SNTG2: variants seen among roughly 807,000 people sequenced by gnomAD.
SNTG2 encodes syntrophin gamma 2.
SNTG2 carries 74 observed loss-of-function variants against 70.9 expected under a neutral mutation model. The ratio of observed to expected loss-of-function variants is 1.04; its 90% CI spans 0.86 to 1.27. The LOEUF (loss-of-function observed/expected upper bound fraction) is 1.27, where lower values mean the gene tolerates loss of function less well. SNTG2 is among the 50% of genes most tolerant of loss of function. The pLI is 0.00. For synonymous variants in SNTG2, 278 were observed against 273.8 expected, an observed-to-expected ratio of 1.02 and a Z score of -0.15; for missense variants, 717 against 690.7, an observed-to-expected ratio of 1.04 and a Z score of -0.43.
intron 16 of SNTG2, among the ~76,000 whole-genome samples, chr2:1,329,524 A>G (rs962241167): frequency 1.3e-5 from 2 of 152,154 alleles, no homozygotes; most frequent in Non-Finnish European, 1.5e-5. Context: ...CTGTCAGGTA[A>G]AATCTTCCAG....
At chr2:1,226,486 T>C (rs1391350776) in intron 9 of SNTG2, among the ~76,000 whole-genome samples, 1 of 151,974 alleles carries the variant, frequency 6.6e-6, no homozygotes, top group Admixed American at 6.6e-5. Context: ...CCCATCAGTA[T>C]GGAAAGACAC....
At chr2:1,073,182 CAATTTTGAAAGAAGTTGTACTGTGTGTAA>C (rs1216475403) in intron 1 of SNTG2, among the ~76,000 whole-genome samples, 1 of 152,182 alleles carries the variant, frequency 6.6e-6, no homozygotes, top group Non-Finnish European at 1.5e-5. Context: ...GGTTTGACCT[CAATTTTGAAAGAAGTTGTACTGTGTGTAA>C]AATTCTACCA....
chr2:1,039,994 GA>G (rs1468425660), intron 1 of SNTG2, among the ~76,000 whole-genome samples: 1 of 152,160 alleles, frequency 6.6e-6, no homozygotes, highest in Non-Finnish European at 1.5e-5. Flanking sequence ...GGCTTCAGTT[GA>G]AAGAGAAGGT....
rs1305282798 is a variant in SNTG2 at position 1,255,885 on chromosome 2, A to AATATATATATATAAATATATATAAAT, written c.1006-3476_1006-3475insTATAAATATATATAAATATATATATA. Among the ~76,000 whole-genome samples the AATATATATATATAAATATATATAAAT allele has an allele frequency of 1.7e-4, 15 of 90,480 alleles. 1 individual carries two copies. Among genetic ancestry groups the AATATATATATATAAATATATATAAAT allele is most frequent in the Middle Eastern group, 0.011 (2 of 186 alleles). 59.4% of individuals were successfully genotyped at this position (90,480 alleles called of 152,430 possible). A position where few individuals can be genotyped will look rare whatever the true frequency, so the allele number is the denominator to read the frequency against. On this transcript the variant is annotated intron_variant, in intron 12 of 16. Coordinates refer to ENST00000308624, the MANE Select transcript of SNTG2 (RefSeq NM_018968.4). ...ATAAATATATATAAATATATATATAAATATATATAAATATATATATAAATA... is the reference window on the plus strand; with the variant it reads ...ATAAATATATATAAATATATATATAAATATATATATATAAATATATATAAATATATATATAAATATATATATAAATA...
intron 8 of SNTG2, among the ~76,000 whole-genome samples, chr2:1,208,166 G>A (rs1673769917): frequency 6.6e-6 from 1 of 152,196 alleles, no homozygotes; most frequent in Non-Finnish European, 1.5e-5. Context: ...GGACACTGAA[G>A]CAAATTAAAA....
intron 2 of SNTG2, among the ~76,000 whole-genome samples, chr2:1,093,000 C>A (rs1414473734): frequency 6.6e-6 from 1 of 152,124 alleles, no homozygotes; most frequent in Non-Finnish European, 1.5e-5. Flanking sequence ...TGAACAATTA[C>A]CTTAGATTGC....
Position 1,113,582 on chromosome 2 carries a change from G to T in SNTG2, c.325+15172G>T, listed in dbSNP as rs191692583. On this transcript the variant is annotated intron_variant, in intron 4 of 16. Transcript: ENST00000308624. Reference sequence around the variant, plus strand: ...AGGAGGATCGTGTGTACTAAGTGAGGTTTAACCCTTACAGTACTTTGAGGA... The same window carrying T: ...AGGAGGATCGTGTGTACTAAGTGAGTTTTAACCCTTACAGTACTTTGAGGA... Among the ~76,000 whole-genome samples, 994 of 151,754 alleles carry T rather than the reference G, an allele frequency of 6.6e-3. 11 individuals are homozygous for T. The highest frequency in any genetic ancestry group is 0.023 in the African/African-American group (945 of 41,388).
At chr2:1,255,888 ATATAT>A (rs1678066829) in intron 12 of SNTG2, among the ~76,000 whole-genome samples, 1 of 64,886 alleles carries the variant, frequency 1.5e-5, no homozygotes, top group East Asian at 4.6e-4. Context: ...ATATATAAAT[ATATAT>A]AAATATATAT....
chr2:1,336,219 C>T (rs539036120), intron 16 of SNTG2, among the ~76,000 whole-genome samples: 1 of 152,160 alleles, frequency 6.6e-6, no homozygotes, highest in Non-Finnish European at 1.5e-5. Context: ...TGCTTAGTGA[C>T]ACTGAACATT....
At chr2:1,178,635 G>C (rs1200045223) in intron 8 of SNTG2, among the ~76,000 whole-genome samples, 1 of 152,180 alleles carries the variant, frequency 6.6e-6, no homozygotes, top group Non-Finnish European at 1.5e-5. Flanking sequence ...AACCAGGCTT[G>C]CATCCCAGGG....
chr2:1,169,418 T>C (rs899986716), intron 7 of SNTG2, among the ~76,000 whole-genome samples: 7 of 151,954 alleles, frequency 4.6e-5, no homozygotes, highest in Non-Finnish European at 8.8e-5. Flanking sequence ...CTGGGTGCCT[T>C]TGAAGGAGCA....
intron 8 of SNTG2, among the ~76,000 whole-genome samples, chr2:1,178,629 A>T (rs1188313593): frequency 6.6e-6 from 1 of 152,222 alleles, no homozygotes; most frequent in Non-Finnish European, 1.5e-5. Flanking sequence ...ATGTTGAACC[A>T]GGCTTGCATC....
chr2:1,067,896 G>T (rs1174199138), intron 1 of SNTG2, among the ~76,000 whole-genome samples: 1 of 152,170 alleles, frequency 6.6e-6, no homozygotes, highest in Non-Finnish European at 1.5e-5. Context: ...CCGGGAGGAA[G>T]TGCAGGCTTA....
At chr2:1,253,134 A>G (rs991212270) in intron 12 of SNTG2, among the ~76,000 whole-genome samples, 2 of 152,100 alleles carry the variant, frequency 1.3e-5, no homozygotes, top group African/African-American at 4.8e-5. Flanking sequence ...TCCCTGCCCC[A>G]GAGTTCTGTG....
chr2:1,112,419 G>C (rs1199424285), intron 4 of SNTG2, among the ~76,000 whole-genome samples: 2 of 151,540 alleles, frequency 1.3e-5, no homozygotes, highest in Non-Finnish European at 2.9e-5. Flanking sequence ...TACTAAGTGA[G>C]GTTTAACACT....
intron 6 of SNTG2, among the ~76,000 whole-genome samples, chr2:1,152,503 G>A (rs893828721): frequency 6.6e-6 from 1 of 152,128 alleles, no homozygotes; most frequent in Admixed American, 6.5e-5. Context: ...GCGTATATTC[G>A]GTGTGTGTGT....
chr2:1,359,663 CAAAAAT>C (rs1189825968), intron 16 of SNTG2, among the ~76,000 whole-genome samples: 2 of 152,070 alleles, frequency 1.3e-5, no homozygotes, highest in East Asian at 3.9e-4. Flanking sequence ...AGCTGAGACT[CAAAAAT>C]AATATTATTT....
At chr2:1,066,490 T>C (rs1663163647) in intron 1 of SNTG2, among the ~76,000 whole-genome samples, 1 of 152,016 alleles carries the variant, frequency 6.6e-6, no homozygotes, top group African/African-American at 2.4e-5. Context: ...TTGCCGGGAT[T>C]CAGAAAGCTG....
At chr2:1,035,450 G>T (rs2148044581) in intron 1 of SNTG2, among the ~76,000 whole-genome samples, 1 of 152,268 alleles carries the variant, frequency 6.6e-6, no homozygotes, top group East Asian at 1.9e-4. Flanking sequence ...TGAATCTTTT[G>T]TACCGCTACT....
Sources: gnomAD v4.1 joint callset for allele counts (sites outside exome capture counted in the v4.1 genomes callset) on GRCh38, gnomAD v4.1.1 for gene constraint, MANE v1.5 for transcripts, NCBI Gene and HGNC (gene_info 2026-07-23, HGNC 2026-07-21) for gene names.